Variants in REC8 observed in about 807,000 individuals in gnomAD.
REC8 encodes the protein REC8 meiotic recombination protein.
In REC8, 42 loss-of-function variants were observed where a neutral mutation model predicts 78.3. The ratio of observed to expected loss-of-function variants is 0.54; its 90% CI spans 0.42 to 0.69. REC8 has a LOEUF of 0.69. Among genes scored for constraint, REC8 ranks in the 30% least tolerant of loss-of-function variants. The pLI is 0.00. For synonymous variants in REC8, 268 were observed against 274.1 expected (o/e 0.98, Z 0.22); for missense variants, 581 against 715.8 (o/e 0.81, Z 2.15).
Position 24,177,462 on chromosome 14 carries a change from C to T in REC8, c.738-3C>T, listed in dbSNP as rs754739697. 3 of 1,614,162 alleles carry T rather than the reference C, an allele frequency of 1.9e-6. No individual in the cohort carries two copies. The highest frequency in any genetic ancestry group is 2.5e-6 in the Non-Finnish European group (3 of 1,180,026). On this transcript the variant is annotated splice_region_variant and splice_polypyrimidine_tract_variant and intron_variant, in intron 9 of 18. Coordinates refer to ENST00000611366, the MANE Select transcript of REC8 (RefSeq NM_001048205.2). Reference sequence around the variant, plus strand: ...CTCATTTCTCTTGCCCATTTCCCCTCAGGGTGGAAGGAATAGGAGAGGCAC... The same window carrying T: ...CTCATTTCTCTTGCCCATTTCCCCTTAGGGTGGAAGGAATAGGAGAGGCAC...
At chr14:24,180,737 G>A, downstream of REC8, 1 of 1,614,060 alleles carries the variant, frequency 6.2e-7, no homozygotes, top group Non-Finnish European at 8.5e-7. Flanking sequence ...ATACGCAGAA[G>A]CTCGGGAGCC....
intron 5 of REC8, 85 bp downstream of exon 5, chr14:24,173,496 A>T: frequency 6.3e-7 from 1 of 1,574,832 alleles, no homozygotes; most frequent in South Asian, 1.2e-5. Flanking sequence ...GGGGTTGGGG[A>T]AGGAAGCTTA....
In REC8 at chr14:24,172,625, T is replaced by C. The variant is rs751321500; in HGVS notation, c.56+17T>C. On this transcript the variant is annotated intron_variant, in intron 1 of 18. Coordinates refer to ENST00000611366, the MANE Select transcript of REC8 (RefSeq NM_001048205.2). ...CACCATCTGGTAAGGGCGGGGCCCGTTGGCGCGCGATGGCGGACGCTGCCC... is the reference window on the plus strand; with the variant it reads ...CACCATCTGGTAAGGGCGGGGCCCGCTGGCGCGCGATGGCGGACGCTGCCC... 10 of 1,613,082 alleles carry C rather than the reference T, an allele frequency of 6.2e-6. No individual in the cohort carries two copies. The East Asian group carries it at 2.2e-4, about 36-fold the overall frequency.
chr14:24,179,552 C>T (rs1318216763), intron 16 of REC8, 43 bp from the exon 17 acceptor site: 1 of 1,614,030 alleles, frequency 6.2e-7, no homozygotes, highest in Non-Finnish European at 8.5e-7. Context: ...CCCCTTGTCA[C>T]TGTCACAGCT....
rs888596460 is a variant in REC8, at chr14:24,172,405, T to C, written c.-148T>C. ...GCCCATTGTTCGTTGCCTCATTAAC[T>C]TGGCTTTCTAGGTGCACCCACCTTG... On this transcript the variant is annotated 5_prime_UTR_variant, in exon 1 of 19. Coordinates refer to ENST00000611366, the MANE Select transcript of REC8 (RefSeq NM_001048205.2). 1.4e-5 allele frequency: 10 copies of C among 725,328 alleles called. No homozygotes were observed. Among genetic ancestry groups the C allele is most frequent in the African/African-American group, 8.9e-5 (5 of 55,950 alleles). 44.9% of individuals were successfully genotyped at this position (725,328 alleles called of 1,614,324 possible). A position where few individuals can be genotyped will look rare whatever the true frequency, so the allele number is the denominator to read the frequency against.
Position 24,172,517 on chromosome 14 carries a change from A to T in REC8, c.-36A>T. Reference sequence around the variant, plus strand: ...AATTCCGACTCAGATCCGAACGGGGATCTGGTGGAATCGAGGGTGAAAGAC... The same window carrying T: ...AATTCCGACTCAGATCCGAACGGGGTTCTGGTGGAATCGAGGGTGAAAGAC... On this transcript the variant is annotated 5_prime_UTR_variant, in exon 1 of 19. Coordinates refer to ENST00000611366, the MANE Select transcript of REC8 (RefSeq NM_001048205.2). 1 of 1,594,440 alleles carries T rather than the reference A, an allele frequency of 6.3e-7. No individual in the cohort carries two copies. Among genetic ancestry groups the T allele is most frequent in the Non-Finnish European group, 8.6e-7 (1 of 1,166,080 alleles).
intron 2 of REC8, 58 bp from the exon 3 acceptor site, chr14:24,172,841 G>A (rs2139120968): frequency 6.2e-7 from 1 of 1,613,708 alleles, no homozygotes; most frequent in Non-Finnish European, 8.5e-7. Flanking sequence ...GGATGGGGTG[G>A]CCAAGACTGT....
intron 6 of REC8, among the ~76,000 whole-genome samples, chr14:24,176,370 T>C (rs2139131467): frequency 6.6e-6 from 1 of 151,148 alleles, no homozygotes; most frequent in Non-Finnish European, 1.5e-5. Context: ...TTTTTTTTTT[T>C]TTCTTTTTTT....
At chr14:24,180,784 G>C (rs200403393), downstream of REC8, 8 of 1,609,266 alleles carry the variant, frequency 5.0e-6, no homozygotes, top group East Asian at 1.8e-4. Context: ...GGCTGACTCA[G>C]GGCAGCAGCC....
downstream of REC8, chr14:24,180,850 CA>C (rs1346103290): frequency 9.6e-6 from 10 of 1,039,378 alleles, no homozygotes; most frequent in East Asian, 2.6e-5. Context: ...AATCTCTTAT[CA>C]GGGGGGTGGT....
intron 5 of REC8, 48 bp downstream of exon 5, chr14:24,173,459 G>A: frequency 1.2e-6 from 2 of 1,607,868 alleles, no homozygotes; most frequent in South Asian, 1.1e-5. Flanking sequence ...CAGAAGGGGA[G>A]TGCTGTCCCT....
intron 10 of REC8, 21 bp from the exon 11 acceptor site, chr14:24,177,688 G>A (rs765362383): frequency 3.1e-6 from 5 of 1,606,596 alleles, no homozygotes; most frequent in African/African-American, 2.7e-5. Context: ...ATGGGACAGA[G>A]CCCCTTGGGT....
chr14:24,180,546 G>A (rs746177753), downstream of REC8: 4 of 1,614,052 alleles, frequency 2.5e-6, no homozygotes, highest in African/African-American at 1.3e-5. Context: ...AGGAACGTCA[G>A]GAGCAGCAAC....
rs2038927019 is a variant in REC8 at position 24,177,036 on chromosome 14, G to C, written c.625-105G>C. On this transcript the variant is annotated intron_variant, in intron 7 of 18. Coordinates refer to ENST00000611366, the MANE Select transcript of REC8 (RefSeq NM_001048205.2). ...CACTTGAGCACCCAGTGGCTTCCTT[G>C]AACCTGGCCCTGTGGCATGCCTCTG... The C allele has an allele frequency of 4.4e-6, 6 of 1,366,580 alleles. No homozygotes were observed. In the Middle Eastern group the frequency reaches 6.2e-4, roughly 141 times the overall value. The allele number at this position is 1,366,580 out of a possible 1,614,324, so 84.7% of individuals were successfully genotyped here.
In REC8 at chr14:24,174,568, G is replaced by A. The variant is rs1270391739; in HGVS notation, c.463-975G>A. Among the ~76,000 whole-genome samples, 6 of 152,074 alleles carry A rather than the reference G, an allele frequency of 3.9e-5. No individual in the cohort carries two copies. In the South Asian group the frequency reaches 6.2e-4, roughly 16 times the overall value. On this transcript the variant is annotated intron_variant, in intron 5 of 18. Transcript: ENST00000611366. ...GCTGGGATTACAGGTGTGAACCACC[G>A]TGCCTGGCACATACCCCAGTTTAGA...
intron 5 of REC8, 155 bp from the exon 6 acceptor site, chr14:24,175,388 C>T (rs555192669): frequency 4.9e-6 from 3 of 615,470 alleles, no homozygotes; most frequent in Non-Finnish European, 5.9e-6. Flanking sequence ...GAAAGAAGAC[C>T]AGAGGGCGGG....
At chr14:24,172,644 G>A (rs1420016214) in intron 1 of REC8, 36 bp downstream of exon 1, 7 of 1,612,708 alleles carry the variant, frequency 4.3e-6, no homozygotes, top group African/African-American at 2.7e-5. Flanking sequence ...GATGGCGGAC[G>A]CTGCCCGGGA....
At position 24,179,151 on chromosome 14, in the gene REC8, A is replaced by T. The variant is rs1349944102; in HGVS notation, c.1252+18A>T. The T allele has an allele frequency of 6.4e-7, 1 of 1,560,512 alleles. No individual in the cohort carries two copies. The highest frequency in any genetic ancestry group is 1.4e-5 in the African/African-American group (1 of 73,364). On this transcript the variant is annotated intron_variant, in intron 15 of 18. Coordinates refer to ENST00000611366, the MANE Select transcript of REC8 (RefSeq NM_001048205.2). ...GTCTTTAGGTAAGCACCTAGAGAAG[A>T]GGCGCAGTGGGACCACACCCTAACC...
intron 2 of REC8, 39 bp downstream of exon 2, chr14:24,172,820 G>T (rs774203794): frequency 6.2e-7 from 1 of 1,614,068 alleles, no homozygotes; most frequent in Admixed American, 1.7e-5. Flanking sequence ...TGGTGCGGGG[G>T]GTGAGTTAGG....
Sources: allele counts gnomAD v4.1 joint callset (sites outside exome capture counted in the v4.1 genomes callset), GRCh38; gene constraint gnomAD v4.1.1; transcripts MANE v1.5; gene names NCBI Gene and HGNC (gene_info 2026-07-23, HGNC 2026-07-21).